VWF: variants seen among roughly 807,000 people sequenced by gnomAD.
VWF encodes Factor VIII related antigen.
In VWF, 176 loss-of-function variants were observed where a neutral mutation model predicts 308.6. That is an observed-to-expected ratio of 0.57 (90% CI 0.50 to 0.65). The LOEUF is 0.65. Ranked by LOEUF, VWF falls within the 30% of genes least tolerant of loss-of-function variation. The pLI is 0.00. For missense variants in VWF, 3,146 were observed against 3,648.2 expected, an observed-to-expected ratio of 0.86 and a Z score of 3.55; for synonymous variants, 1,385 against 1,443.4, an observed-to-expected ratio of 0.96 and a Z score of 0.92.
intron 3 of VWF, among the ~76,000 whole-genome samples, chr12:6,114,788 G>A (rs187841618): frequency 5.3e-5 from 8 of 152,176 alleles, no homozygotes; most frequent in Non-Finnish European, 7.3e-5. Context: ...CGTGGGGCTG[G>A]CTGCCCTTGG....
chr12:5,964,219 AATACATACATAC>A (rs746364619), intron 47 of VWF, among the ~76,000 whole-genome samples: 9 of 118,166 alleles, frequency 7.6e-5, no homozygotes, highest in African/African-American at 3.0e-4. Context: ...TCTGTCTAAA[AATACATACATAC>A]ATACATACAT....
intron 35 of VWF, 94 bp from the exon 36 acceptor site, chr12:5,994,701 A>G: frequency 1.8e-6 from 2 of 1,083,880 alleles, no homozygotes; most frequent in Non-Finnish European, 2.8e-6. Flanking sequence ...CATTCATCAC[A>G]CTCAACTGCA....
intron 20 of VWF, among the ~76,000 whole-genome samples, chr12:6,032,998 A>C (rs1944289354): frequency 7.3e-6 from 1 of 137,614 alleles, no homozygotes; most frequent in Non-Finnish European, 1.5e-5. Context: ...GCATACACCC[A>C]CACACACGCA....
chr12:5,953,323 G>T (rs796281490), intron 48 of VWF, among the ~76,000 whole-genome samples, 173 bp downstream of exon 48: 14 of 152,136 alleles, frequency 9.2e-5, no homozygotes, highest in African/African-American at 3.4e-4. Flanking sequence ...AAATAAAAGA[G>T]AAAATTCTGT....
intron 5 of VWF, among the ~76,000 whole-genome samples, chr12:6,108,306 A>AG (rs1555076005): frequency 3.5e-5 from 5 of 142,552 alleles, no homozygotes; most frequent in African/African-American, 7.8e-5. Context: ...AAAAAAAAAA[A>AG]AAAGAAAGAA....
In VWF at chr12:6,019,754, G is replaced by A. The variant is rs1182887308; in HGVS notation, c.3675-11C>T. 1 of 1,607,158 alleles carries A rather than the reference G, an allele frequency of 6.2e-7. No individual in the cohort carries two copies. The highest frequency in any genetic ancestry group is 8.5e-7 in the Non-Finnish European group (1 of 1,177,042). On this transcript the variant is annotated splice_polypyrimidine_tract_variant and intron_variant, in intron 27 of 51. Transcript: ENST00000261405. The surrounding 1 kb of genome is among the most constrained non-coding windows in gnomAD (Gnocchi z 5.8). ...ACAACATCACAGTGGCTGCAGAAAA[G>A]AGCGAAGAAATTAAAATGGTTCAGG...
chr12:6,057,480 T>TTTATTTTTTATTATTA (rs113015394), intron 14 of VWF, among the ~76,000 whole-genome samples: 4 of 129,576 alleles, frequency 3.1e-5, no homozygotes, highest in Admixed American at 7.9e-5. Flanking sequence ...GCCCGGCAAA[T>TTTATTTTTTATTATTA]TTATTATTAT....
intron 18 of VWF, among the ~76,000 whole-genome samples, chr12:6,039,047 C>T (rs374508776): frequency 3.3e-5 from 5 of 152,134 alleles, no homozygotes; most frequent in East Asian, 1.9e-4. Flanking sequence ...TGCAGAGAGG[C>T]GGGGCAGGCC....
chr12:6,065,104 C>G, intron 11 of VWF, 33 bp downstream of exon 11: 1 of 1,613,840 alleles, frequency 6.2e-7, no homozygotes, highest in South Asian at 1.1e-5. Flanking sequence ...CTTGGGCTAC[C>G]ACCCGACCAG....
At chr12:6,086,985 A>C (rs986676931) in intron 6 of VWF, among the ~76,000 whole-genome samples, 1 of 152,194 alleles carries the variant, frequency 6.6e-6, no homozygotes, top group Non-Finnish European at 1.5e-5. Context: ...GTTTCAGAGG[A>C]GGCGGAAAGA....
rs61748496 is a variant in VWF at position 6,025,643 on chromosome 12, C to A, written c.3159G>T (p.Gln1053His). ...PATCHNNIMKQTMVDSSCRIL... is the reference protein window; with the variant it reads ...PATCHNNIMKHTMVDSSCRIL... Reference sequence around the variant, plus strand: ...TTCTACAGGAGGAATCCACCATCGTCTGCTTCATGATGTTGTTATGGCAGG... The same window carrying A: ...TTCTACAGGAGGAATCCACCATCGTATGCTTCATGATGTTGTTATGGCAGG... The change falls in exon 24 of 52, where the codon CAG becomes CAT. Residue 1053 changes from glutamine (Q) to histidine (H), a missense_variant. This residue lies in a region of VWF where 853 missense variants were observed against 1,177.8 expected (regional missense o/e 0.72). Coordinates refer to ENST00000261405, the MANE Select transcript of VWF (RefSeq NM_000552.5). 7.6e-6 allele frequency: 12 copies of A among 1,581,750 alleles called. No homozygotes were observed. In the South Asian group the frequency reaches 1.2e-4, roughly 16 times the overall value.
At chr12:6,064,459 TC>T (rs1438771795) in intron 11 of VWF, 75 bp from the exon 12 acceptor site, 1 of 1,593,604 alleles carries the variant, frequency 6.3e-7, no homozygotes, top group East Asian at 2.3e-5. Context: ...ACCCTCTTAA[TC>T]AGAGAAAGGC....
Position 5,996,142 on chromosome 12 carries a change from C to A in VWF, c.5923G>T (p.Val1975Phe). The change falls in exon 35 of 52, where the codon GTC (valine) becomes TTC (phenylalanine). Residue 1975 changes from valine (V) to phenylalanine (F), a missense_variant. Physicochemically the swap from Val to Phe is conservative, Grantham distance 50. Coordinates refer to ENST00000261405, the MANE Select transcript of VWF (RefSeq NM_000552.5). ...TCCTGCTCCTTGTTTTGAAATAGGA[C>A]ATAAGAACAGCTGCCAGTCAGCTTG... ...NFKLTGSCSY[V>F]LFQNKEQDLE... is the part of the protein sequence containing the mutation. 1 of 1,614,114 alleles carries A rather than the reference C, an allele frequency of 6.2e-7. No individual in the cohort carries two copies. The highest frequency in any genetic ancestry group is 8.5e-7 in the Non-Finnish European group (1 of 1,180,040).
chr12:5,983,130 C>T lies in VWF; in HGVS notation c.7081+20G>A, dbSNP rs149280995. The T allele has an allele frequency of 2.6e-4, 424 of 1,610,848 alleles. No individual in the cohort carries two copies. Among genetic ancestry groups the T allele is most frequent in the Middle Eastern group, 2.1e-3 (13 of 6,056 alleles). On this transcript the variant is annotated intron_variant, in intron 41 of 51. Transcript: ENST00000261405. The stretch of plus-strand genomic sequence containing the variant: ...GCAGAGAGAGGCCACACCACCCCTC[C>T]TCATCCACAGAGGCCTTACCGCAGG...
intron 47 of VWF, among the ~76,000 whole-genome samples, chr12:5,964,021 C>T (rs1489556250): frequency 6.6e-6 from 1 of 151,868 alleles, no homozygotes; most frequent in African/African-American, 2.4e-5. Context: ...TTCTGGTTAA[C>T]ACGGTGAAAC....
At chr12:5,999,228 C>T (rs1943845610) in intron 34 of VWF, among the ~76,000 whole-genome samples, 1 of 152,062 alleles carries the variant, frequency 6.6e-6, no homozygotes, top group African/African-American at 2.4e-5. Flanking sequence ...AAAGAAAAGC[C>T]TATCCTAAGG....
intron 34 of VWF, among the ~76,000 whole-genome samples, chr12:6,002,491 T>TA (rs1213264594): frequency 2.6e-5 from 4 of 151,782 alleles, no homozygotes; most frequent in South Asian, 4.2e-4. Context: ...AATTTTAGTT[T>TA]AAAAAAAAGA....
chr12:6,003,263 A>G (rs1469776579), intron 34 of VWF, among the ~76,000 whole-genome samples: 1 of 152,208 alleles, frequency 6.6e-6, no homozygotes, highest in Non-Finnish European at 1.5e-5. Context: ...ATTAAAATTT[A>G]TATACGTCTA....
chr12:6,027,197 A>C (rs1156551960), intron 22 of VWF, among the ~76,000 whole-genome samples: 2 of 151,946 alleles, frequency 1.3e-5, no homozygotes, highest in African/African-American at 4.8e-5. Context: ...GTGAACTACC[A>C]TTACCCCCAA....
Sources: gnomAD v4.1 joint callset for allele counts (sites outside exome capture counted in the v4.1 genomes callset) on GRCh38, gnomAD v4.1.1 for gene constraint, gnomAD v4.1.1 regional missense constraint, Gnocchi (gnomAD v3.1) non-coding constraint, MANE v1.5 for transcripts, NCBI Gene and HGNC (gene_info 2026-07-23, HGNC 2026-07-21) for gene names.